The following SLC25A13 variants were observed in gnomAD, a reference collection of about 807,000 sequenced individuals.
SLC25A13 encodes solute carrier family 25 member 13.
SLC25A13 carries 70 observed loss-of-function variants against 85.5 expected under a neutral mutation model. The observed-to-expected ratio is 0.82, with a 90% CI of 0.68 to 1.00. SLC25A13 has a LOEUF of 1.00. Among genes scored for constraint, SLC25A13 ranks in the 50% least tolerant of loss-of-function variants. The probability of loss-of-function intolerance (pLI) is 0.00; values close to 1 mark genes in which losing one functional copy is unlikely to be tolerated. For synonymous variants in SLC25A13, 259 were observed against 288.7 expected (o/e 0.90, Z 1.04); for missense variants, 765 against 819.8 (o/e 0.93, Z 0.82).
intron 4 of SLC25A13, among the ~76,000 whole-genome samples, chr7:96,219,352 A>G (rs909179965): frequency 2.6e-5 from 4 of 152,132 alleles, no homozygotes; most frequent in African/African-American, 9.7e-5. Flanking sequence ...TATTATACTA[A>G]AGTCATATGT....
rs919222877 is a variant in SLC25A13 at position 96,218,449 on chromosome 7, G to GT, written c.329-9473dup. Among the ~76,000 whole-genome samples, 138 of 152,210 alleles carry GT rather than the reference G, an allele frequency of 9.1e-4. 11 individuals carry two copies. Among genetic ancestry groups the GT allele is most frequent in the Non-Finnish European group, 4.4e-5 (3 of 67,986 alleles). ...GCCATTAAGTGGTTAGACTGAATTT[G>GT]TTTTTACAAATTCTATGGACTCTTA... On this transcript the variant is annotated intron_variant, in intron 4 of 17. Coordinates refer to ENST00000265631, the MANE Select transcript of SLC25A13 (RefSeq NM_014251.3).
At chr7:96,259,395 A>G (rs1338552486) in intron 3 of SLC25A13, among the ~76,000 whole-genome samples, 2 of 152,190 alleles carry the variant, frequency 1.3e-5, no homozygotes. Flanking sequence ...AAAAGTGGGT[A>G]AAGATATGAA....
intron 4 of SLC25A13, among the ~76,000 whole-genome samples, chr7:96,228,488 C>G (rs763552002): frequency 1.4e-4 from 22 of 152,220 alleles, no homozygotes; most frequent in Non-Finnish European, 3.1e-4. Flanking sequence ...TGGCAAAGAT[C>G]TAAAATAAAA....
At chr7:96,217,940 C>T (rs1180876414) in intron 4 of SLC25A13, among the ~76,000 whole-genome samples, 1 of 148,012 alleles carries the variant, frequency 6.8e-6, no homozygotes, top group Non-Finnish European at 1.5e-5. Context: ...TGTCAGAGAT[C>T]TGCCTCTTAC....
chr7:96,140,807 T>C (rs1053398367), intron 14 of SLC25A13, among the ~76,000 whole-genome samples: 3 of 151,496 alleles, frequency 2.0e-5, no homozygotes, highest in Non-Finnish European at 2.9e-5. Flanking sequence ...TGCTATCTCA[T>C]TGTAGTTATG....
At chr7:96,262,225 A>G (rs1013054720) in intron 3 of SLC25A13, among the ~76,000 whole-genome samples, 8 of 152,166 alleles carry the variant, frequency 5.3e-5, no homozygotes, top group Admixed American at 4.6e-4. Context: ...TTTCCTTTAA[A>G]ATTTTAGATT....
chr7:96,226,543 G>T (rs1183066601), intron 4 of SLC25A13, among the ~76,000 whole-genome samples: 2 of 151,726 alleles, frequency 1.3e-5, no homozygotes, highest in African/African-American at 4.8e-5. Flanking sequence ...ACTTCTATTT[G>T]TAAATTTTTG....
chr7:96,165,502 T>C (rs1484858162), intron 13 of SLC25A13, among the ~76,000 whole-genome samples: 1 of 152,174 alleles, frequency 6.6e-6, no homozygotes, highest in African/African-American at 2.4e-5. Flanking sequence ...TTCCAACACT[T>C]TGAATGTAAT....
chr7:96,253,138 C>A (rs1797499533), intron 3 of SLC25A13, among the ~76,000 whole-genome samples: 1 of 152,062 alleles, frequency 6.6e-6, no homozygotes, highest in Admixed American at 6.6e-5. Flanking sequence ...AGGGCCAGAA[C>A]AGACAGTGCT....
At chr7:96,160,165 G>A (rs747583096) in intron 13 of SLC25A13, among the ~76,000 whole-genome samples, 3 of 152,036 alleles carry the variant, frequency 2.0e-5, no homozygotes, top group Non-Finnish European at 4.4e-5. Context: ...TTTTCCTATC[G>A]TAACAAACTC....
At chr7:96,195,083 T>TA (rs1156617830) in intron 5 of SLC25A13, among the ~76,000 whole-genome samples, 3 of 152,146 alleles carry the variant, frequency 2.0e-5, no homozygotes, top group African/African-American at 7.2e-5. Context: ...AGCTAAGGCT[T>TA]AACTCCCATA....
At chr7:96,168,327 CTT>C (rs1353431926) in intron 13 of SLC25A13, among the ~76,000 whole-genome samples, 1 of 151,992 alleles carries the variant, frequency 6.6e-6, no homozygotes, top group South Asian at 2.1e-4. Flanking sequence ...CTGTCTACCT[CTT>C]TGAGATGAAG....
intron 3 of SLC25A13, among the ~76,000 whole-genome samples, chr7:96,245,280 C>G (rs186842160): frequency 2.0e-5 from 3 of 152,304 alleles, no homozygotes; most frequent in Admixed American, 1.3e-4. Flanking sequence ...TTCTTTCCCT[C>G]CCTGTAAAAT....
intron 13 of SLC25A13, among the ~76,000 whole-genome samples, chr7:96,149,020 C>CT: frequency 6.6e-6 from 1 of 152,256 alleles, no homozygotes; most frequent in Non-Finnish European, 1.5e-5. Context: ...ACTTGCAGAC[C>CT]TTTTTAAAAT....
chr7:96,218,800 C>T (rs1795993310), intron 4 of SLC25A13, among the ~76,000 whole-genome samples: 1 of 152,146 alleles, frequency 6.6e-6, no homozygotes, highest in Non-Finnish European at 1.5e-5. Flanking sequence ...AAAGAGAGGA[C>T]TGCTGAAGGC....
rs187186659 is a variant in SLC25A13 at position 96,204,483 on chromosome 7, C to T, written c.468+4355G>A. Among the ~76,000 whole-genome samples the T allele has an allele frequency of 1.5e-4, 23 of 151,740 alleles. No homozygotes were observed. The East Asian group carries it at 3.1e-3, about 20-fold the overall frequency. ...TGAGCCCTGGCATTCAAAGTTGTAG[C>T]GAGCGCTAATGCACCACTGCACTCT... On this transcript the variant is annotated intron_variant, in intron 5 of 17. Coordinates refer to ENST00000265631, the MANE Select transcript of SLC25A13 (RefSeq NM_014251.3).
At chr7:96,162,818 T>G (rs1431466425) in intron 13 of SLC25A13, among the ~76,000 whole-genome samples, 2 of 151,864 alleles carry the variant, frequency 1.3e-5, no homozygotes, top group East Asian at 1.9e-4. Flanking sequence ...ATGGAGAGAG[T>G]AGCCAGTTCC....
At chr7:96,175,429 A>T (rs1436971122) in intron 11 of SLC25A13, among the ~76,000 whole-genome samples, 2 of 152,256 alleles carry the variant, frequency 1.3e-5, no homozygotes, top group Non-Finnish European at 2.9e-5. Context: ...ATATCCACAT[A>T]CTACAGTACT....
intron 13 of SLC25A13, among the ~76,000 whole-genome samples, chr7:96,157,885 C>T (rs937506272): frequency 2.6e-5 from 4 of 152,146 alleles, no homozygotes; most frequent in African/African-American, 7.2e-5. Context: ...AGAGTTCTAA[C>T]GTACAGCCCC....
Sources: gnomAD v4.1 joint callset for allele counts (sites outside exome capture counted in the v4.1 genomes callset) on GRCh38, gnomAD v4.1.1 for gene constraint, MANE v1.5 for transcripts, NCBI Gene and HGNC (gene_info 2026-07-23, HGNC 2026-07-21) for gene names.